PLEKHA4: variants seen among roughly 807,000 people sequenced by gnomAD.
PLEKHA4 encodes pleckstrin homology domain-containing family A member 4.
Under a neutral mutation model 94.7 loss-of-function variants are expected in PLEKHA4, and 73 were observed. The observed-to-expected ratio is 0.77, with a 90% CI of 0.64 to 0.94. PLEKHA4 has a LOEUF of 0.94. Among genes scored for constraint, PLEKHA4 ranks in the 40% least tolerant of loss-of-function variants. The probability of loss-of-function intolerance (pLI) is 0.00; values close to 1 mark genes in which losing one functional copy is unlikely to be tolerated. For missense variants in PLEKHA4, 1,049 were observed against 1,054.1 expected, an observed-to-expected ratio of 1.00 and a Z score of 0.07; for synonymous variants, 449 against 437.1, an observed-to-expected ratio of 1.03 and a Z score of -0.34.
chr19:48,843,444 G>A (rs2035842134), intron 16 of PLEKHA4, among the ~76,000 whole-genome samples: 1 of 151,906 alleles, frequency 6.6e-6, no homozygotes, highest in Non-Finnish European at 1.5e-5. Context: ...CTCCCAAAGT[G>A]CTGGGATTAC....
chr19:48,865,434 C>T (rs2036794287), intron 3 of PLEKHA4, 69 bp downstream of exon 3: 3 of 1,189,032 alleles, frequency 2.5e-6, no homozygotes, highest in Middle Eastern at 1.9e-4. Context: ...TGGGGACTTG[C>T]AAGGAGAGAG....
At chr19:48,858,785 G>A in intron 8 of PLEKHA4, 75 bp downstream of exon 8, 2 of 1,531,554 alleles carry the variant, frequency 1.3e-6, no homozygotes, top group Non-Finnish European at 1.8e-6. Flanking sequence ...GGGAGCAATG[G>A]CCTTGAGAAT....
Position 48,841,321 on chromosome 19 carries a change from G to A in PLEKHA4, c.1744-11C>T, listed in dbSNP as rs998750711. On this transcript the variant is annotated splice_polypyrimidine_tract_variant and intron_variant, in intron 16 of 19. Coordinates refer to ENST00000263265, the MANE Select transcript of PLEKHA4 (RefSeq NM_020904.3). ...CCGGGCCACCGGGGCCTAGGGAGGC[G>A]AGAAACGTCCCAAGACCCAACCTTT... 1.3e-5 allele frequency: 20 copies of A among 1,596,230 alleles called. No homozygotes were observed. Among genetic ancestry groups the A allele is most frequent in the Middle Eastern group, 3.7e-4 (2 of 5,360 alleles).
Position 48,867,327 on chromosome 19 carries a change from T to A in PLEKHA4, c.84+210A>T, listed in dbSNP as rs114624057. ...GTCAAGGGAGGTTGTTACTCTGGTT[T>A]AGAATTAGGAAAATACAAAGGGTGG... On this transcript the variant is annotated intron_variant, in intron 2 of 19. Coordinates refer to ENST00000263265, the MANE Select transcript of PLEKHA4 (RefSeq NM_020904.3). This position sits in a 1 kb window ranked among gnomAD's most constrained non-coding sequence, Gnocchi z 4.7. 0.014 allele frequency among the ~76,000 whole-genome samples: 2,130 copies of A among 152,282 alleles called. 51 individuals are homozygous for A. Among genetic ancestry groups the A allele is most frequent in the African/African-American group, 0.048 (2,011 of 41,552 alleles).
intron 9 of PLEKHA4, among the ~76,000 whole-genome samples, chr19:48,856,259 GA>G (rs2036403843): frequency 1.3e-5 from 2 of 148,588 alleles, no homozygotes; most frequent in Admixed American, 6.7e-5. Context: ...GAGGGGAGGG[GA>G]AGGGGAAGGG....
intron 6 of PLEKHA4, chr19:48,860,042 C>T (rs1250074746): frequency 1.8e-6 from 1 of 562,054 alleles, no homozygotes; most frequent in Non-Finnish European, 3.1e-6. Flanking sequence ...TAGGTGGCAG[C>T]TCAGGGGACT....
chr19:48,839,300 G>A (rs1568531892), intron 17 of PLEKHA4, 37 bp from the exon 18 acceptor site: 1 of 1,437,542 alleles, frequency 7.0e-7, no homozygotes, highest in East Asian at 2.4e-5. Flanking sequence ...TCCTCACCTG[G>A]AAGCCCCACG....
In PLEKHA4 at chr19:48,855,146, A is replaced by C. The variant is rs140860951; in HGVS notation, c.1048-882T>G. 1.6e-3 allele frequency among the ~76,000 whole-genome samples: 247 copies of C among 152,286 alleles called. 4 individuals carry two copies. The highest frequency in any genetic ancestry group is 3.4e-3 in the Middle Eastern group (1 of 294). ...TATTATAATTAATGGAGAAATTTAG[A>C]CATTTTATTTATGACTAAGAATAAA... On this transcript the variant is annotated intron_variant, in intron 9 of 19. Transcript: ENST00000263265.
chr19:48,842,791 C>CA (rs1368586191), intron 16 of PLEKHA4, among the ~76,000 whole-genome samples: 1 of 152,232 alleles, frequency 6.6e-6, no homozygotes, highest in Non-Finnish European at 1.5e-5. Context: ...TCCTCACCCT[C>CA]ACACAGTAAC....
In PLEKHA4 at chr19:48,837,938, C is replaced by T; in HGVS notation, c.2077+79G>A. ...AATTCTCACCGGCCCCCAGACCCCT[C>T]CTCTCCAGGACCTGGGATTCCAGGT... On this transcript the variant is annotated intron_variant, in intron 19 of 19. Coordinates refer to ENST00000263265, the MANE Select transcript of PLEKHA4 (RefSeq NM_020904.3). The surrounding 1 kb of genome is among the most constrained non-coding windows in gnomAD (Gnocchi z 4.3). 2 of 1,214,364 alleles carry T rather than the reference C, an allele frequency of 1.6e-6. No homozygotes were observed. Among genetic ancestry groups the T allele is most frequent in the South Asian group, 2.6e-5 (2 of 77,908 alleles). 75.2% of individuals were successfully genotyped at this position (1,214,364 alleles called of 1,614,324 possible).
At chr19:48,846,140 T>C (rs762301524) in intron 14 of PLEKHA4, among the ~76,000 whole-genome samples, 2 of 150,178 alleles carry the variant, frequency 1.3e-5, no homozygotes, top group African/African-American at 2.5e-5. Flanking sequence ...CTGGGCAACA[T>C]AGCAAGACCC....
chr19:48,852,168 G>A, intron 13 of PLEKHA4, 60 bp downstream of exon 13: 1 of 1,330,134 alleles, frequency 7.5e-7, no homozygotes, highest in African/African-American at 1.4e-5. Flanking sequence ...ATGCTAAAAG[G>A]ATTTCCAGGC....
intron 16 of PLEKHA4, among the ~76,000 whole-genome samples, chr19:48,843,990 T>C (rs2035863530): frequency 6.6e-6 from 1 of 151,554 alleles, no homozygotes; most frequent in South Asian, 2.1e-4. Flanking sequence ...TTTGTAGAGA[T>C]GGGTCTTGCT....
At chr19:48,859,741 C>T (rs1359708657) in intron 6 of PLEKHA4, 57 bp from the exon 7 acceptor site, 2 of 1,487,380 alleles carry the variant, frequency 1.3e-6, no homozygotes, top group South Asian at 1.2e-5. Context: ...CAGCCCTATT[C>T]TCTTGTCACA....
chr19:48,844,804 CTTTTTTTTTTT>C (rs149141709), intron 16 of PLEKHA4, among the ~76,000 whole-genome samples: 8 of 70,838 alleles, frequency 1.1e-4, no homozygotes, highest in East Asian at 9.0e-4. Flanking sequence ...CTCAGGGTGT[CTTTTTTTTTTT>C]TTTTTTTTTT....
chr19:48,848,101 A>G, intron 13 of PLEKHA4, 61 bp from the exon 14 acceptor site: 1 of 1,536,010 alleles, frequency 6.5e-7, no homozygotes, highest in Non-Finnish European at 8.9e-7. Flanking sequence ...GTTTCAGCTA[A>G]TAGGCCCCTG....
Position 48,860,460 on chromosome 19 carries a change from C to T in PLEKHA4, c.367-1G>A, listed in dbSNP as rs753087887. On this transcript the variant is annotated splice_acceptor_variant, in intron 5 of 19. Coordinates refer to ENST00000263265, the MANE Select transcript of PLEKHA4 (RefSeq NM_020904.3). LOFTEE classifies it high-confidence loss of function. ...AGGTCCTCATGCCCGGGTGCTCTGC[C>T]TGCGGGAAGAGAAGGCTTGGAATCC... 2.5e-6 allele frequency: 4 copies of T among 1,612,938 alleles called. No homozygotes were observed. Among genetic ancestry groups the T allele is most frequent in the Non-Finnish European group, 3.4e-6 (4 of 1,179,148 alleles).
intron 17 of PLEKHA4, among the ~76,000 whole-genome samples, chr19:48,840,213 G>A (rs115084739): frequency 0.018 from 2,777 of 151,882 alleles, 83 homozygotes; most frequent in African/African-American, 0.064. Context: ...TCAGGAGCTC[G>A]ACACCAGCCT....
intron 5 of PLEKHA4, 114 bp downstream of exon 5, chr19:48,861,287 C>G (rs2036628446): frequency 1.1e-6 from 1 of 889,368 alleles, no homozygotes; most frequent in Non-Finnish European, 1.9e-6. Flanking sequence ...CCTTTTATCT[C>G]CAGTAATGGA....
Sources: gnomAD v4.1 joint callset for allele counts (sites outside exome capture counted in the v4.1 genomes callset) on GRCh38, gnomAD v4.1.1 for gene constraint, Gnocchi (gnomAD v3.1) non-coding constraint, MANE v1.5 for transcripts, NCBI Gene and HGNC (gene_info 2026-07-23, HGNC 2026-07-21) for gene names.